PKD1L1: variants seen among roughly 807,000 people sequenced by gnomAD.
PKD1L1 encodes the protein polycystin 1 like 1, transient receptor potential channel interacting, also known as polycystin-1-like protein 1.
Under a neutral mutation model 323.4 loss-of-function variants are expected in PKD1L1, and 236 were observed. The ratio of observed to expected loss-of-function variants is 0.73; its 90% CI spans 0.66 to 0.81. The LOEUF (loss-of-function observed/expected upper bound fraction) is 0.81, where lower values mean the gene tolerates loss of function less well. Ranked by LOEUF, PKD1L1 falls within the 40% of genes least tolerant of loss-of-function variation. The probability of loss-of-function intolerance (pLI) is 0.00; values close to 1 mark genes in which losing one functional copy is unlikely to be tolerated. For missense variants in PKD1L1, 3,320 were observed against 3,508.0 expected, an observed-to-expected ratio of 0.95 and a Z score of 1.35; for synonymous variants, 1,344 against 1,335.0, an observed-to-expected ratio of 1.01 and a Z score of -0.15.
At chr7:47,906,094 C>A in intron 9 of PKD1L1, 132 bp from the exon 10 acceptor site, 2 of 854,982 alleles carry the variant, frequency 2.3e-6, no homozygotes, top group Non-Finnish European at 3.4e-6. Flanking sequence ...AAATTCTAAG[C>A]ATGTGCTCTG....
chr7:47,806,289 G>A lies in PKD1L1; in HGVS notation c.7827+1958C>T, dbSNP rs551917829. Among the ~76,000 whole-genome samples the A allele has an allele frequency of 2.6e-5, 4 of 152,220 alleles. No individual in the cohort carries two copies. In the South Asian group the frequency reaches 8.3e-4, roughly 32 times the overall value. The stretch of plus-strand genomic sequence containing the variant: ...GAGGCCCACACCTGCTGGCCAATCA[G>A]TGACTAATCAGATGCTCTTGTAAGC... On this transcript the variant is annotated intron_variant, in intron 52 of 56. Coordinates refer to ENST00000289672, the MANE Select transcript of PKD1L1 (RefSeq NM_138295.5).
chr7:47,844,447 T>G (rs1785623276), intron 33 of PKD1L1, among the ~76,000 whole-genome samples: 2 of 152,232 alleles, frequency 1.3e-5, no homozygotes, highest in Admixed American at 1.3e-4. Flanking sequence ...GTGACACTGA[T>G]GAATAAGACA....
At chr7:47,892,080 T>C (rs1786832674) in intron 15 of PKD1L1, among the ~76,000 whole-genome samples, 2 of 152,168 alleles carry the variant, frequency 1.3e-5, no homozygotes, top group Non-Finnish European at 2.9e-5. Context: ...GGGGGATATA[T>C]CAAATAAGAG....
At chr7:47,807,656 CTCA>C (rs1784809224) in intron 52 of PKD1L1, among the ~76,000 whole-genome samples, 1 of 152,172 alleles carries the variant, frequency 6.6e-6, no homozygotes, top group Non-Finnish European at 1.5e-5. Flanking sequence ...CCTGCCCCAT[CTCA>C]TCAGCCCCCT....
At chr7:47,953,123 G>A (rs1481508165), upstream of PKD1L1, among the ~76,000 whole-genome samples, 1 of 152,140 alleles carries the variant, frequency 6.6e-6, no homozygotes, top group African/African-American at 2.4e-5. Context: ...ACAGTTTGGT[G>A]ATCACTTTGA....
At chr7:47,861,921 G>T (rs71547868) in intron 26 of PKD1L1, among the ~76,000 whole-genome samples, 1 of 143,694 alleles carries the variant, frequency 7.0e-6, no homozygotes, top group Non-Finnish European at 1.5e-5. Flanking sequence ...TGGGCCAGGC[G>T]TGGTGGCTCA....
At position 47,873,970 on chromosome 7, in the gene PKD1L1, C is replaced by T; in HGVS notation, c.3825G>A (p.Lys1275=). ...TCACCACCACAGTGCACGGCTGGAC[C>T]TTGGAGCCTTTGCCATCTGTGATTT... is the stretch of plus-strand genomic sequence containing the variant. ...STEITDGKGS[K]VQPCTVVVTV... The change falls in exon 24 of 57, where the codon AAG becomes AAA. Residue 1275 remains lysine (K), a synonymous_variant. Transcript: ENST00000289672. 1 of 1,613,844 alleles carries T rather than the reference C, an allele frequency of 6.2e-7. No individual in the cohort carries two copies. Among genetic ancestry groups the T allele is most frequent in the East Asian group, 2.2e-5 (1 of 44,866 alleles).
intron 52 of PKD1L1, among the ~76,000 whole-genome samples, chr7:47,805,258 G>T (rs1784753433): frequency 6.6e-6 from 1 of 152,206 alleles, no homozygotes; most frequent in Non-Finnish European, 1.5e-5. Flanking sequence ...TGATTCTAAA[G>T]CCTGTGCATT....
intron 26 of PKD1L1, among the ~76,000 whole-genome samples, chr7:47,861,880 C>CAAT (rs1476544075): frequency 2.3e-3 from 103 of 43,922 alleles, no homozygotes; most frequent in African/African-American, 9.9e-3. Flanking sequence ...GACTCTGTCT[C>CAAT]AAAAAAAAAA....
At position 47,818,834 on chromosome 7, in the gene PKD1L1, C is replaced by T. The variant is rs78806905; in HGVS notation, c.6965+2242G>A. ...TTTGTTTTATTATTTTTTTTTGGAA[C>T]TTCATGAAGTCTTTCATAAGTTCAG... On this transcript the variant is annotated intron_variant, in intron 46 of 56. Transcript: ENST00000289672. 6.5e-3 allele frequency among the ~76,000 whole-genome samples: 985 copies of T among 152,016 alleles called. 11 individuals are homozygous for T. The highest frequency in any genetic ancestry group is 0.022 in the African/African-American group (914 of 41,460).
chr7:47,880,139 A>G (rs1786506795), intron 21 of PKD1L1, among the ~76,000 whole-genome samples: 1 of 141,090 alleles, frequency 7.1e-6, no homozygotes, highest in African/African-American at 2.8e-5. Context: ...GGCACAAAAC[A>G]AGCAATAACA....
In PKD1L1 at chr7:47,813,236, C is replaced by A; in HGVS notation, c.7231G>T (p.Val2411Phe). ...EDSIPTCSPE[V>F]GGPENPYLID... ...AGGTAGGGGTTCTCAGGGCCTCCAA[C>A]TTCGGGACTACATGTAGGAATAGAG... The change falls in exon 49 of 57, where the codon GTT (valine) becomes TTT (phenylalanine). Residue 2411 changes from valine (V) to phenylalanine (F), a missense_variant. Val to Phe is a conservative substitution (Grantham distance 50, BLOSUM62 -1). Transcript: ENST00000289672. The A allele has an allele frequency of 6.2e-7, 1 of 1,614,194 alleles. No homozygotes were observed. The highest frequency in any genetic ancestry group is 8.5e-7 in the Non-Finnish European group (1 of 1,180,030).
Position 47,943,421 on chromosome 7 carries a change from G to C in PKD1L1, c.135C>G (p.Ser45Arg). The C allele has an allele frequency of 6.2e-7, 1 of 1,613,208 alleles. No individual in the cohort carries two copies. The change falls in exon 2 of 57, where the codon AGC becomes AGG. Residue 45 changes from serine to arginine, a missense_variant. Physicochemically the swap from Ser to Arg is moderately radical, Grantham distance 110. Transcript: ENST00000289672. ...CGACCCACAATCCACCTCCAGGAGGGCTACAGCTGCACAGATGAAGACCCC... is the reference window on the plus strand; with the variant it reads ...CGACCCACAATCCACCTCCAGGAGGCCTACAGCTGCACAGATGAAGACCCC... ...KSWGLHLCSC[S>R]PPGGGLWVEV... is the part of the protein sequence containing the mutation.
chr7:47,846,080 T>C (rs1374854709), intron 32 of PKD1L1, among the ~76,000 whole-genome samples: 2 of 152,202 alleles, frequency 1.3e-5, no homozygotes, highest in East Asian at 3.8e-4. Context: ...AGAAAATCAA[T>C]AAATGGCTAT....
rs1583611411 is a variant in PKD1L1 at position 47,839,757 on chromosome 7, C to A, written c.5553-95G>T. ...ATGCTCACCCTCAAGGCACTGATGG[C>A]CCACAGAGGGTGGATGGGACATGTC... On this transcript the variant is annotated intron_variant, in intron 35 of 56. Transcript: ENST00000289672. The surrounding 1 kb of genome is among the most constrained non-coding windows in gnomAD (Gnocchi z 4.3). 5.0e-6 allele frequency: 6 copies of A among 1,208,470 alleles called. No homozygotes were observed. Among genetic ancestry groups the A allele is most frequent in the South Asian group, 4.4e-5 (3 of 68,258 alleles). The allele number at this position is 1,208,470 out of a possible 1,614,324, so 74.9% of individuals were successfully genotyped here. A position where few individuals can be genotyped will look rare whatever the true frequency, so the allele number is the denominator to read the frequency against.
chr7:47,790,181 G>C (rs1005645826), intron 56 of PKD1L1, among the ~76,000 whole-genome samples: 3 of 150,980 alleles, frequency 2.0e-5, no homozygotes, highest in Non-Finnish European at 4.4e-5. Flanking sequence ...GAGCCACTGC[G>C]CCTGACCCAA....
At chr7:47,820,732 G>GA (rs11421124) in intron 46 of PKD1L1, among the ~76,000 whole-genome samples, 88,130 of 147,892 alleles carry the variant, frequency 0.6, 27,060 homozygotes, top group East Asian at 0.84. Context: ...TCTCAAAAAG[G>GA]AAAAAAAAAA....
chr7:47,813,438 G>A, intron 48 of PKD1L1, 145 bp from the exon 49 acceptor site: 1 of 910,454 alleles, frequency 1.1e-6, no homozygotes, highest in South Asian at 1.4e-5. Flanking sequence ...TCGTTCTGCA[G>A]CCTGTTTCGT....
chr7:47,836,021 T>A (rs1376142605), intron 37 of PKD1L1, among the ~76,000 whole-genome samples: 1 of 152,204 alleles, frequency 6.6e-6, no homozygotes, highest in African/African-American at 2.4e-5. Context: ...TCAGACAACA[T>A]GTCGGCTTCA....
Sources: gnomAD v4.1 joint callset for allele counts (sites outside exome capture counted in the v4.1 genomes callset) on GRCh38, gnomAD v4.1.1 for gene constraint, Gnocchi (gnomAD v3.1) non-coding constraint, MANE v1.5 for transcripts, NCBI Gene and HGNC (gene_info 2026-07-23, HGNC 2026-07-21) for gene names.